MAMDC2: variants seen among roughly 807,000 people sequenced by gnomAD.
The protein encoded by MAMDC2 is MAM domain-containing protein 2.
A neutral mutation model predicts 89.8 loss-of-function variants in MAMDC2; 57 were observed. That is an observed-to-expected ratio of 0.63 (90% confidence interval 0.51 to 0.79). MAMDC2 has a LOEUF of 0.79. Among genes scored for constraint, MAMDC2 ranks in the 30% least tolerant of loss-of-function variants. The pLI is 0.00. For synonymous variants in MAMDC2, 313 were observed against 293.4 expected, an observed-to-expected ratio of 1.07 and a Z score of -0.68; for missense variants, 800 against 820.6, an observed-to-expected ratio of 0.97 and a Z score of 0.31.
intron 11 of MAMDC2, among the ~76,000 whole-genome samples, chr9:70,215,404 C>T (rs911713748): frequency 4.6e-5 from 7 of 152,132 alleles, no homozygotes; most frequent in Non-Finnish European, 1.0e-4. Flanking sequence ...ATGCCATTTC[C>T]CTTAAGCATG....
chr9:70,218,359 C>T lies in MAMDC2; in HGVS notation c.1674C>T (p.Ala558=). ...AAGGCTACTACATGTACATTGAGGC[C>T]TCCCATATGGTGTATGGACAAAAAG... ...TGVGYYMYIE[A]SHMVYGQKAR... is the part of the protein sequence containing the mutation. The change falls in exon 12 of 14, where the codon GCC becomes GCT. Residue 558 remains alanine (A), a synonymous_variant. Transcript: ENST00000377182. The T allele has an allele frequency of 6.2e-7, 1 of 1,613,314 alleles. No individual in the cohort carries two copies. The highest frequency in any genetic ancestry group is 8.5e-7 in the Non-Finnish European group (1 of 1,179,526).
intron 5 of MAMDC2, 94 bp downstream of exon 5, chr9:70,113,226 A>G (rs1828558787): frequency 6.3e-6 from 9 of 1,435,156 alleles, no homozygotes; most frequent in African/African-American, 2.8e-5. Context: ...GCTTCTGTCA[A>G]CAGGGAAGAG....
At chr9:70,125,838 C>G (rs113034824) in intron 5 of MAMDC2, among the ~76,000 whole-genome samples, 22 of 152,150 alleles carry the variant, frequency 1.4e-4, no homozygotes, top group African/African-American at 4.8e-4. Flanking sequence ...GTGTGTTCAG[C>G]TTGTGAAAAC....
chr9:70,207,048 G>C (rs2033240625), intron 11 of MAMDC2, among the ~76,000 whole-genome samples: 1 of 152,190 alleles, frequency 6.6e-6, no homozygotes, highest in Non-Finnish European at 1.5e-5. Context: ...ATTTGGGTTG[G>C]TTCCAAGGCT....
At chr9:70,046,503 C>A (rs1277662558) in intron 2 of MAMDC2, among the ~76,000 whole-genome samples, 3 of 152,214 alleles carry the variant, frequency 2.0e-5, no homozygotes, top group Non-Finnish European at 2.9e-5. Flanking sequence ...TGAGTTCCTG[C>A]CTCCGGCCCT....
intron 11 of MAMDC2, among the ~76,000 whole-genome samples, chr9:70,200,177 G>A (rs974471212): frequency 2.0e-5 from 3 of 152,038 alleles, no homozygotes; most frequent in African/African-American, 7.2e-5. Flanking sequence ...GGGTTTTTAC[G>A]GTTTTAGGTC....
chr9:70,137,750 C>T (rs75529319), intron 7 of MAMDC2, among the ~76,000 whole-genome samples: 1,522 of 152,190 alleles, frequency 0.01, 13 homozygotes, highest in Non-Finnish European at 0.014. Flanking sequence ...GATTGTTAGA[C>T]GTGTATGTCA....
intron 11 of MAMDC2, among the ~76,000 whole-genome samples, chr9:70,174,759 G>A (rs192537891): frequency 2.7e-5 from 4 of 145,476 alleles, no homozygotes; most frequent in Admixed American, 7.1e-5. Flanking sequence ...GAGTCTTGCT[G>A]TGTCGCCCAG....
At chr9:70,172,474 C>T (rs1047599456) in intron 11 of MAMDC2, 1 of 152,624 alleles carries the variant, frequency 6.6e-6, no homozygotes. Flanking sequence ...GCCTCTGCAT[C>T]TTACCATTTC....
chr9:70,195,722 GTGTT>G (rs1186064450), intron 11 of MAMDC2, among the ~76,000 whole-genome samples: 1 of 152,034 alleles, frequency 6.6e-6, no homozygotes, highest in African/African-American at 2.4e-5. Flanking sequence ...CACAGTGCTT[GTGTT>G]TGTCACCTTC....
intron 11 of MAMDC2, among the ~76,000 whole-genome samples, chr9:70,189,345 A>G (rs1351108098): frequency 6.6e-6 from 1 of 152,088 alleles, no homozygotes; most frequent in East Asian, 1.9e-4. Flanking sequence ...ACTTTTATAT[A>G]TGTCATCTCA....
At chr9:70,194,085 A>G (rs2032933552) in intron 11 of MAMDC2, 1 of 152,134 alleles carries the variant, frequency 6.6e-6, no homozygotes, top group Non-Finnish European at 1.5e-5. Context: ...ATAGTTCCTG[A>G]CTTACTAACT....
intron 11 of MAMDC2, among the ~76,000 whole-genome samples, chr9:70,185,316 C>T (rs1057118686): frequency 6.6e-6 from 1 of 152,190 alleles, no homozygotes; most frequent in Non-Finnish European, 1.5e-5. Context: ...AGGTGTCTGT[C>T]GGTCCCTGCT....
chr9:70,176,913 G>C (rs2032519034), intron 11 of MAMDC2, among the ~76,000 whole-genome samples: 1 of 152,106 alleles, frequency 6.6e-6, no homozygotes, highest in African/African-American at 2.4e-5. Context: ...ATGCCTAGTG[G>C]ATGCCTGAAA....
intron 2 of MAMDC2, chr9:70,062,818 C>T (rs1000315347): frequency 6.6e-6 from 1 of 152,184 alleles, no homozygotes; most frequent in Non-Finnish European, 1.5e-5. Context: ...TATAAACAGG[C>T]ACAATCTACA....
chr9:70,050,963 G>A lies in MAMDC2; in HGVS notation c.148+6266G>A, dbSNP rs1005811794. 3.3e-5 allele frequency among the ~76,000 whole-genome samples: 5 copies of A among 152,302 alleles called. No homozygotes were observed. The East Asian group carries it at 7.7e-4, about 23-fold the overall frequency. On this transcript the variant is annotated intron_variant, in intron 2 of 13. Transcript: ENST00000377182. ...TTTTCTCTATAAATTATTGGTTGTT[G>A]TCAAGAATGCTTTGCTTTCTGCTTC...
intron 11 of MAMDC2, among the ~76,000 whole-genome samples, chr9:70,192,382 CT>C (rs2032897816): frequency 6.6e-6 from 1 of 152,072 alleles, no homozygotes; most frequent in Non-Finnish European, 1.5e-5. Context: ...TTCTTCTGCA[CT>C]GCAAGCCAAC....
At chr9:70,076,285 G>A (rs1018160199) in intron 2 of MAMDC2, among the ~76,000 whole-genome samples, 1 of 152,134 alleles carries the variant, frequency 6.6e-6, no homozygotes, top group African/African-American at 2.4e-5. Context: ...GCCGAGTGTG[G>A]TGGCAGGCAC....
At chr9:70,076,054 G>A (rs922175610) in intron 2 of MAMDC2, among the ~76,000 whole-genome samples, 1 of 152,200 alleles carries the variant, frequency 6.6e-6, no homozygotes, top group African/African-American at 2.4e-5. Flanking sequence ...GATGGCAGGT[G>A]GGGGCAGTTG....
Sources: gnomAD v4.1 joint callset for allele counts (sites outside exome capture counted in the v4.1 genomes callset) on GRCh38, gnomAD v4.1.1 for gene constraint, MANE v1.5 for transcripts, NCBI Gene and HGNC (gene_info 2026-07-23, HGNC 2026-07-21) for gene names.